The following PRKCD variants were observed in gnomAD, a reference collection of about 807,000 sequenced individuals.
The protein encoded by PRKCD is protein kinase C delta type.
A neutral mutation model predicts 82.2 loss-of-function variants in PRKCD; 20 were observed. The ratio of observed to expected loss-of-function variants is 0.24; its 90% CI spans 0.17 to 0.35. The LOEUF (loss-of-function observed/expected upper bound fraction) is 0.35. PRKCD is among the 10% of genes least tolerant of loss of function. PRKCD has a pLI of 1.00. For synonymous variants in PRKCD, 317 were observed against 337.0 expected (o/e 0.94, Z 0.65); for missense variants, 607 against 899.0 (o/e 0.68, Z 4.15).
intron 3 of PRKCD, 83 bp downstream of exon 3, chr3:53,178,620 C>T (rs782773933): frequency 4.8e-5 from 55 of 1,150,914 alleles, no homozygotes; most frequent in Non-Finnish European, 6.2e-5. Flanking sequence ...GCCTTGTTCC[C>T]TGCAACCTCT....
rs1417906866 is a variant in PRKCD at position 53,164,177 on chromosome 3, C to G, written c.-131-927C>G. On this transcript the variant is annotated intron_variant, in intron 1 of 18. Transcript: ENST00000330452. ...CAGGAGACACAGAGTACCTTGCTAC[C>G]TTTGCCATTTCTTCCTCCCAGGATA... 3.9e-5 allele frequency among the ~76,000 whole-genome samples: 6 copies of G among 152,244 alleles called. No individual in the cohort carries two copies. In the East Asian group the frequency reaches 1.2e-3, roughly 29 times the overall value.
chr3:53,170,551 G>T (rs1452538821), intron 2 of PRKCD, among the ~76,000 whole-genome samples: 6 of 152,218 alleles, frequency 3.9e-5, no homozygotes, highest in African/African-American at 1.4e-4. Context: ...CCAGTGATGT[G>T]CCTGACCAGC....
chr3:53,162,023 T>C (rs934255647), intron 1 of PRKCD, among the ~76,000 whole-genome samples: 3 of 151,594 alleles, frequency 2.0e-5, no homozygotes, highest in Admixed American at 6.6e-5. Flanking sequence ...CCTGGGTCCC[T>C]GGAGGCCCGA....
chr3:53,185,721 C>T (rs782430468), intron 11 of PRKCD, 21 bp downstream of exon 11: 10 of 1,609,148 alleles, frequency 6.2e-6, no homozygotes, highest in African/African-American at 1.3e-5. Flanking sequence ...GTCCATTGCC[C>T]CATTACGGTT....
At chr3:53,167,596 G>A (rs948202689) in intron 2 of PRKCD, among the ~76,000 whole-genome samples, 7 of 152,244 alleles carry the variant, frequency 4.6e-5, no homozygotes, top group African/African-American at 1.7e-4. Context: ...ATGAGGTTGT[G>A]CGGAAATGAC....
At chr3:53,166,259 C>G (rs782562701) in intron 2 of PRKCD, among the ~76,000 whole-genome samples, 1 of 152,162 alleles carries the variant, frequency 6.6e-6, no homozygotes, top group Non-Finnish European at 1.5e-5. Flanking sequence ...GTGTATTGGA[C>G]CTGTCCCTAA....
At chr3:53,165,247 G>T (rs1328606259) in intron 2 of PRKCD, 32 bp downstream of exon 2, 1 of 152,578 alleles carries the variant, frequency 6.6e-6, no homozygotes, top group African/African-American at 2.4e-5. Flanking sequence ...CAGATGGATG[G>T]TGCACCGGTG....
Position 53,181,254 on chromosome 3 carries a change from C to T in PRKCD, c.363C>T (p.Phe121=), listed in dbSNP as rs1703427954. Residue 121 remains phenylalanine, a synonymous_variant, in exon 5 of 19, where the codon TTC becomes TTT. Transcript: ENST00000330452. ...AGGTGTTGATGTCTGTTCAGTATTT[C>T]CTGGAGGACGTGGGTAAGAACTCCC... is the stretch of plus-strand genomic sequence containing the variant. ...QAKVLMSVQY[F]LEDVDCKQSM... is the part of the protein sequence containing the mutation. 1 of 1,613,950 alleles carries T rather than the reference C, an allele frequency of 6.2e-7. No homozygotes were observed. Among genetic ancestry groups the T allele is most frequent in the South Asian group, 1.1e-5 (1 of 91,056 alleles).
chr3:53,179,415 G>A, intron 3 of PRKCD, 162 bp from the exon 4 acceptor site: 1 of 864,690 alleles, frequency 1.2e-6, no homozygotes, highest in Non-Finnish European at 2.0e-6. Flanking sequence ...GGACCTAGCA[G>A]GGTGCCCAAG....
Position 53,179,630 on chromosome 3 carries a change from T to A in PRKCD, c.169T>A (p.Ser57Thr). The A allele has an allele frequency of 6.2e-7, 1 of 1,614,088 alleles. No individual in the cohort carries two copies. The highest frequency in any genetic ancestry group is 8.5e-7 in the Non-Finnish European group (1 of 1,180,008). The change falls in exon 4 of 19, where the codon TCG becomes ACG. Residue 57 changes from serine to threonine, a missense_variant. Physicochemically the swap from Ser to Thr is moderately conservative, Grantham distance 58. Around this residue, in one of 5 missense-constraint regions of PRKCD, gnomAD observed 161 missense variants for 227.0 expected, o/e 0.71. Coordinates refer to ENST00000330452, the MANE Select transcript of PRKCD (RefSeq NM_006254.4). ...KKPTMYPEWK[S>T]TFDAHIYEGR... ...GCCGACCATGTATCCTGAGTGGAAG[T>A]CGACGTTCGATGCCCACATCTATGA...
chr3:53,162,989 G>A (rs528600425), intron 1 of PRKCD, among the ~76,000 whole-genome samples: 1 of 152,106 alleles, frequency 6.6e-6, no homozygotes, highest in East Asian at 1.9e-4. Context: ...GATCCCTGGG[G>A]TTTCCTCGTT....
In PRKCD at chr3:53,169,410, C is replaced by G. The variant is rs192544416; in HGVS notation, c.-20+4195C>G. On this transcript the variant is annotated intron_variant, in intron 2 of 18. Transcript: ENST00000330452. This position sits in a 1 kb window ranked among gnomAD's most constrained non-coding sequence, Gnocchi z 4.7. ...AGGCCCACGAACAGGACTGGGATGG[C>G]TGTCCCTCAAAGGTCTCTGCCAAGG... 1.5e-3 allele frequency among the ~76,000 whole-genome samples: 221 copies of G among 152,254 alleles called. No individual in the cohort carries two copies. The Middle Eastern group carries it at 0.02, about 14-fold the overall frequency.
At chr3:53,184,817 GC>G in intron 9 of PRKCD, 56 bp from the exon 10 acceptor site, 3 of 1,488,220 alleles carry the variant, frequency 2.0e-6, no homozygotes, top group Non-Finnish European at 1.9e-6. Context: ...CTCCTACACT[GC>G]CCCCTGCCCT....
At chr3:53,171,960 G>A (rs1434166491) in intron 2 of PRKCD, among the ~76,000 whole-genome samples, 1 of 152,104 alleles carries the variant, frequency 6.6e-6, no homozygotes, top group Non-Finnish European at 1.5e-5. Context: ...GGAGGGAGCT[G>A]GGTAAGGGGA....
chr3:53,162,187 C>T (rs1446047342), intron 1 of PRKCD, among the ~76,000 whole-genome samples: 3 of 151,340 alleles, frequency 2.0e-5, no homozygotes. Context: ...CCCAGGGTGG[C>T]CCCTGCCCGA....
At chr3:53,170,862 C>T (rs369549759) in intron 2 of PRKCD, among the ~76,000 whole-genome samples, 2 of 151,906 alleles carry the variant, frequency 1.3e-5, no homozygotes, top group South Asian at 2.1e-4. Flanking sequence ...CGTGTGGAGC[C>T]TATGTGGTCG....
At chr3:53,164,218 T>G (rs1240209344) in intron 1 of PRKCD, among the ~76,000 whole-genome samples, 1 of 152,166 alleles carries the variant, frequency 6.6e-6, no homozygotes, top group East Asian at 1.9e-4. Flanking sequence ...AGGCCTCAGT[T>G]TTTTCAGCTG....
chr3:53,170,523 G>A (rs774310074), intron 2 of PRKCD, among the ~76,000 whole-genome samples: 101 of 152,362 alleles, frequency 6.6e-4, no homozygotes, highest in Non-Finnish European at 1.2e-3. Context: ...GCAGGTGGGC[G>A]GGCGGGCGGA....
rs55654539 is a variant in PRKCD at position 53,187,599 on chromosome 3, C to T, written c.1415+197C>T. Among the ~76,000 whole-genome samples the T allele has an allele frequency of 5.8e-3, 878 of 152,328 alleles. 5 individuals are homozygous for T. Among genetic ancestry groups the T allele is most frequent in the African/African-American group, 0.019 (798 of 41,574 alleles). Reference sequence around the variant, plus strand: ...CCACCATTTGAGGCTGGCTCAGCTTCAGGAACTAGGAACTCACTGCTCATA... The same window carrying T: ...CCACCATTTGAGGCTGGCTCAGCTTTAGGAACTAGGAACTCACTGCTCATA... On this transcript the variant is annotated intron_variant, in intron 15 of 18. Transcript: ENST00000330452.
Sources: gnomAD v4.1 joint callset for allele counts (sites outside exome capture counted in the v4.1 genomes callset) on GRCh38, gnomAD v4.1.1 for gene constraint, gnomAD v4.1.1 regional missense constraint, Gnocchi (gnomAD v3.1) non-coding constraint, MANE v1.5 for transcripts, NCBI Gene and HGNC (gene_info 2026-07-23, HGNC 2026-07-21) for gene names.